NFATC3: variants seen among roughly 807,000 people sequenced by gnomAD.
NFATC3 encodes the protein nuclear factor of activated T-cells, cytoplasmic 3.
In NFATC3, 46 loss-of-function variants were observed where a neutral mutation model predicts 98.6. The ratio of observed to expected loss-of-function variants is 0.47; its 90% CI spans 0.37 to 0.60. The LOEUF (loss-of-function observed/expected upper bound fraction) is 0.60. Ranked by LOEUF, NFATC3 falls within the 20% of genes least tolerant of loss-of-function variation. The pLI is 0.00. For synonymous variants in NFATC3, 512 were observed against 472.2 expected (o/e 1.08, Z -1.09); for missense variants, 1,256 against 1,295.5 (o/e 0.97, Z 0.47).
intron 1 of NFATC3, among the ~76,000 whole-genome samples, chr16:68,117,169 A>G (rs1365052084): frequency 6.6e-6 from 1 of 152,140 alleles, no homozygotes; most frequent in Admixed American, 6.6e-5. Context: ...GTATATTTTG[A>G]GTGTTCAGAG....
intron 9 of NFATC3, among the ~76,000 whole-genome samples, chr16:68,217,143 T>C (rs2041668869): frequency 6.6e-6 from 1 of 151,782 alleles, no homozygotes; most frequent in Admixed American, 6.6e-5. Flanking sequence ...AGAAAAAAAA[T>C]AATTAGGCTT....
At position 68,227,923 on chromosome 16, in the gene NFATC3, A is replaced by C. The variant is rs1185348040; in HGVS notation, c.*1452A>C. 2.6e-5 allele frequency: 4 copies of C among 151,970 alleles called. No individual in the cohort carries two copies. Among genetic ancestry groups the C allele is most frequent in the Admixed American group, 6.6e-5 (1 of 15,252 alleles). The allele number at this position is 151,970 out of a possible 1,614,324, so 9.4% of individuals were successfully genotyped here. ...CAAATGAAATAATATACTTCCATTG[A>C]TTCAGGAAGCAGATTTTTTGAGTGC... is the stretch of plus-strand genomic sequence containing the variant. On this transcript the variant is annotated 3_prime_UTR_variant, in exon 10 of 10. Transcript: ENST00000346183.
intron 3 of NFATC3, 71 bp downstream of exon 3, chr16:68,126,681 A>G: frequency 6.8e-7 from 1 of 1,478,576 alleles, no homozygotes. Flanking sequence ...CTATTCAGTT[A>G]GGTACTAGAG....
At chr16:68,205,652 A>G (rs1268235549) in intron 9 of NFATC3, among the ~76,000 whole-genome samples, 1 of 152,102 alleles carries the variant, frequency 6.6e-6, no homozygotes, top group Non-Finnish European at 1.5e-5. Context: ...CTGTAGGGAG[A>G]ATTGGAGTTA....
chr16:68,123,201 A>G, intron 2 of NFATC3, 80 bp downstream of exon 2: 1 of 1,419,996 alleles, frequency 7.0e-7, no homozygotes. Flanking sequence ...ATCAGTATAT[A>G]ATGGTTATAT....
At chr16:68,139,013 T>C (rs1181150352) in intron 3 of NFATC3, among the ~76,000 whole-genome samples, 2 of 152,232 alleles carry the variant, frequency 1.3e-5, no homozygotes, top group Non-Finnish European at 2.9e-5. Context: ...ATTTTTTGAT[T>C]GCTCACTACG....
chr16:68,130,383 T>G (rs968502258), intron 3 of NFATC3, among the ~76,000 whole-genome samples: 1 of 152,206 alleles, frequency 6.6e-6, no homozygotes, highest in Non-Finnish European at 1.5e-5. Flanking sequence ...TGGTTTTGAT[T>G]TGCATTTCCC....
intron 1 of NFATC3, among the ~76,000 whole-genome samples, chr16:68,092,173 G>A (rs1047407168): frequency 3.9e-5 from 6 of 152,146 alleles, no homozygotes; most frequent in Admixed American, 2.0e-4. Context: ...CATGTGTGAG[G>A]CTGGGCGCGG....
intron 9 of NFATC3, among the ~76,000 whole-genome samples, chr16:68,219,671 C>G (rs1366230557): frequency 6.6e-6 from 1 of 152,140 alleles, no homozygotes; most frequent in African/African-American, 2.4e-5. Context: ...AATAACATGA[C>G]CAAACTTTGG....
intron 3 of NFATC3, among the ~76,000 whole-genome samples, chr16:68,132,514 A>C (rs2037168614): frequency 6.6e-6 from 1 of 152,212 alleles, no homozygotes. Context: ...TTAAAAATAG[A>C]ACTACCATGT....
intron 3 of NFATC3, among the ~76,000 whole-genome samples, chr16:68,150,199 C>G (rs891590708): frequency 6.6e-6 from 1 of 152,080 alleles, no homozygotes; most frequent in African/African-American, 2.4e-5. Flanking sequence ...TCTCTCAGCT[C>G]TATCAGACCC....
intron 1 of NFATC3, among the ~76,000 whole-genome samples, chr16:68,121,098 A>G (rs993442840): frequency 2.6e-5 from 4 of 151,988 alleles, no homozygotes; most frequent in African/African-American, 9.7e-5. Flanking sequence ...GGCCAAAAAA[A>G]AAAAATCCAA....
chr16:68,091,605 G>C (rs552126658), intron 1 of NFATC3, among the ~76,000 whole-genome samples: 4 of 152,314 alleles, frequency 2.6e-5, no homozygotes, highest in African/African-American at 9.6e-5. Context: ...AGATAATTCA[G>C]TATGGTAATG....
chr16:68,119,987 TAAAG>T (rs994015131), intron 1 of NFATC3, among the ~76,000 whole-genome samples: 5 of 151,350 alleles, frequency 3.3e-5, no homozygotes, highest in African/African-American at 9.7e-5. Flanking sequence ...CAAAGTGAAA[TAAAG>T]AAACATTTCT....
chr16:68,138,424 A>G (rs2037561595), intron 3 of NFATC3: 1 of 957,134 alleles, frequency 1.0e-6, no homozygotes, highest in Admixed American at 3.4e-5. Context: ...TAACTACTGT[A>G]ACTAATAATC....
intron 3 of NFATC3, among the ~76,000 whole-genome samples, chr16:68,137,213 TA>T (rs1483979420): frequency 6.6e-6 from 1 of 152,214 alleles, no homozygotes; most frequent in Admixed American, 6.5e-5. Flanking sequence ...AAAGATATTT[TA>T]TTTCTTTATA....
intron 8 of NFATC3, among the ~76,000 whole-genome samples, chr16:68,190,115 C>T (rs9923710): frequency 0.18 from 27,950 of 152,136 alleles, 2,945 homozygotes; most frequent in African/African-American, 0.28. Flanking sequence ...ATATAACTTA[C>T]TATTTTTGTA....
chr16:68,187,990 G>C (rs1025152393), intron 8 of NFATC3, among the ~76,000 whole-genome samples: 1 of 152,078 alleles, frequency 6.6e-6, no homozygotes, highest in African/African-American at 2.4e-5. Context: ...TGCAAACCAG[G>C]GCTGAGCTGC....
intron 1 of NFATC3, among the ~76,000 whole-genome samples, chr16:68,094,298 A>T (rs1157850257): frequency 2.0e-5 from 3 of 152,108 alleles, no homozygotes; most frequent in African/African-American, 7.2e-5. Context: ...TTTAAAGTTT[A>T]AAGCGTTTAG....
Sources: gnomAD v4.1 joint callset for allele counts (sites outside exome capture counted in the v4.1 genomes callset) on GRCh38, gnomAD v4.1.1 for gene constraint, MANE v1.5 for transcripts, NCBI Gene and HGNC (gene_info 2026-07-23, HGNC 2026-07-21) for gene names.